The following ADPRHL1 variants were observed in gnomAD, a reference collection of about 807,000 sequenced individuals.
ADPRHL1 encodes ADP-ribosylhydrolase like 1, also known as inactive ADP-ribosyltransferase ARH2.
In ADPRHL1, 43 loss-of-function variants were observed where a neutral mutation model predicts 44.1. That is an observed-to-expected ratio of 0.98 (90% CI 0.76 to 1.26). The LOEUF (loss-of-function observed/expected upper bound fraction) is 1.26. ADPRHL1 is among the 50% of genes most tolerant of loss of function. The pLI is 0.00. For synonymous variants in ADPRHL1, 878 were observed against 1,017.4 expected (o/e 0.86, Z 2.61); for missense variants, 2,022 against 2,496.9 (o/e 0.81, Z 4.05).
At chr13:113,426,299 C>T (rs1015229795) in intron 4 of ADPRHL1, among the ~76,000 whole-genome samples, 3 of 152,246 alleles carry the variant, frequency 2.0e-5, no homozygotes, top group African/African-American at 7.2e-5. Context: ...ACGGTGAGCA[C>T]CCCTGCCCGC....
At chr13:113,419,695 G>A (rs1212318130) in intron 7 of ADPRHL1, among the ~76,000 whole-genome samples, 1 of 152,286 alleles carries the variant, frequency 6.6e-6, no homozygotes, top group South Asian at 2.1e-4. Context: ...TTTGAATTAT[G>A]GCACAGGAGT....
chr13:113,450,980 T>C (rs2139656575), intron 1 of ADPRHL1, among the ~76,000 whole-genome samples: 1 of 147,348 alleles, frequency 6.8e-6, no homozygotes, highest in South Asian at 2.3e-4. Context: ...GTCTGCTAAG[T>C]AGCAGGTGTT....
intron 7 of ADPRHL1, among the ~76,000 whole-genome samples, chr13:113,420,623 G>A (rs1164417606): frequency 1.3e-5 from 2 of 152,042 alleles, no homozygotes; most frequent in Non-Finnish European, 2.9e-5. Context: ...CGTGTGTGAC[G>A]TGAGGCCCTT....
At chr13:113,421,638 G>GC (rs2043924442) in intron 7 of ADPRHL1, among the ~76,000 whole-genome samples, 1 of 152,200 alleles carries the variant, frequency 6.6e-6, no homozygotes, top group Admixed American at 6.5e-5. Context: ...GGAGTCCGTG[G>GC]CCCCCACCTG....
chr13:113,412,662 C>T (rs768803302), intron 7 of ADPRHL1, among the ~76,000 whole-genome samples: 3 of 152,244 alleles, frequency 2.0e-5, no homozygotes, highest in Non-Finnish European at 4.4e-5. Context: ...CCGTGGGTGG[C>T]GAACAGCCCC....
In ADPRHL1 at chr13:113,404,359, C is replaced by G; in HGVS notation, c.4923G>C (p.Gln1641His). 1 of 1,333,878 alleles carries G rather than the reference C, an allele frequency of 7.5e-7. No individual in the cohort carries two copies. The allele number at this position is 1,333,878 out of a possible 1,614,324, so 82.6% of individuals were successfully genotyped here. A position where few individuals can be genotyped will look rare whatever the true frequency, so the allele number is the denominator to read the frequency against. Reference sequence around the variant, plus strand: ...CCTGAGCCCCTTTCTGGGCCTGACCCTGAACCCGTTCCTGAGCCCCTTTCT... The same window carrying G: ...CCTGAGCCCCTTTCTGGGCCTGACCGTGAACCCGTTCCTGAGCCCCTTTCT... ...QTQKGAQERV[Q>H]GQAQKGAQER... The change falls in exon 8 of 8, where the codon CAG (glutamine) becomes CAC (histidine). Residue 1641 changes from glutamine to histidine, a missense_variant. By Grantham distance (24) the Gln-to-His change is conservative. This residue lies in a region of ADPRHL1 where 78 missense variants were observed against 76.5 expected (regional missense o/e 1.02). Transcript: ENST00000612156.
intron 7 of ADPRHL1, among the ~76,000 whole-genome samples, chr13:113,414,093 C>T (rs2043874453): frequency 6.6e-6 from 1 of 152,218 alleles, no homozygotes; most frequent in South Asian, 2.1e-4. Context: ...GAGCCTGGCC[C>T]TGCGGCAGGG....
rs1378647952 is a variant in ADPRHL1 at position 113,405,606 on chromosome 13, G to T, written c.3676C>A (p.Arg1226=). ...AALARHPEAA[R]LYISNTSAAS... ...GCTGATGTGTTTGAAATGTATAATC[G>T]GGCCGCCTCTGGGTGCCGGGCGAGG... The change falls in exon 8 of 8, where the codon CGA becomes AGA. Residue 1226 remains arginine (R), a synonymous_variant. Transcript: ENST00000612156. 6.5e-6 allele frequency: 8 copies of T among 1,232,474 alleles called. No individual in the cohort carries two copies. Among genetic ancestry groups the T allele is most frequent in the Non-Finnish European group, 7.1e-6 (7 of 988,682 alleles). 76.3% of individuals were successfully genotyped at this position (1,232,474 alleles called of 1,614,324 possible).
Position 113,448,421 on chromosome 13 carries a change from G to A in ADPRHL1, c.215-3832C>T, listed in dbSNP as rs370721484. The stretch of plus-strand genomic sequence containing the variant: ...GTGGAGGTTGCAGTGAGCCGAGATC[G>A]CGCCACTGTACTCCAGCCCGGGCAA... On this transcript the variant is annotated intron_variant, in intron 1 of 7. Coordinates refer to ENST00000612156, the MANE Select transcript of ADPRHL1 (RefSeq NM_001394807.1). Among the ~76,000 whole-genome samples, 60 of 129,678 alleles carry A rather than the reference G, an allele frequency of 4.6e-4. No individual in the cohort carries two copies. The Middle Eastern group carries it at 0.026, about 57-fold the overall frequency. 85.1% of individuals were successfully genotyped at this position (129,678 alleles called of 152,430 possible).
At chr13:113,452,973 A>C (rs930391105) in intron 1 of ADPRHL1, among the ~76,000 whole-genome samples, 10 of 152,180 alleles carry the variant, frequency 6.6e-5, no homozygotes, top group Non-Finnish European at 1.5e-5. Flanking sequence ...CACGTTTAAA[A>C]ACTGAATCTT....
intron 7 of ADPRHL1, among the ~76,000 whole-genome samples, chr13:113,415,419 G>A (rs895985123): frequency 2.0e-5 from 3 of 152,188 alleles, no homozygotes; most frequent in South Asian, 4.1e-4. Flanking sequence ...CTCAGTGGCC[G>A]GCTCCAGGCG....
At position 113,419,001 on chromosome 13, in the gene ADPRHL1, T is replaced by TCCC. The variant is rs1566470014; in HGVS notation, c.1061+3824_1061+3825insGGG. On this transcript the variant is annotated intron_variant, in intron 7 of 7. Coordinates refer to ENST00000612156, the MANE Select transcript of ADPRHL1 (RefSeq NM_001394807.1). ...TTCCTTCCCTCCCTCCCTCCCTCCC[T>TCCC]TCCTCCCTCCCTTCCTTCCTTTCTT... 6.6e-3 allele frequency among the ~76,000 whole-genome samples: 501 copies of TCCC among 75,342 alleles called. 55 individuals carry two copies. Among genetic ancestry groups the TCCC allele is most frequent in the African/African-American group, 0.015 (302 of 20,168 alleles). The allele number at this position is 75,342 out of a possible 152,430, so 49.4% of individuals were successfully genotyped here.
In ADPRHL1 at chr13:113,409,846, AC is replaced by A. The variant is rs2043838678; in HGVS notation, c.1062-1627del. 1 of 843,536 alleles carries A rather than the reference AC, an allele frequency of 1.2e-6. No individual in the cohort carries two copies. Among genetic ancestry groups the A allele is most frequent in the Non-Finnish European group, 1.4e-6 (1 of 706,542 alleles). 52.3% of individuals were successfully genotyped at this position (843,536 alleles called of 1,614,324 possible). On this transcript the variant is annotated intron_variant, in intron 7 of 7. Transcript: ENST00000612156. This position sits in a 1 kb window ranked among gnomAD's most constrained non-coding sequence, Gnocchi z 4.2. ...AGAGCTTGCAGTGAGCCGAGATCGC[AC>A]CACTGCACTCCAGCCTGAGCGACAG... is the stretch of plus-strand genomic sequence containing the variant.
At chr13:113,434,713 CG>C in intron 2 of ADPRHL1, among the ~76,000 whole-genome samples, 1 of 120,970 alleles carries the variant, frequency 8.3e-6, no homozygotes. Flanking sequence ...AGGTGTACCC[CG>C]GGACCCGGCA....
chr13:113,445,899 T>C (rs1287963048), intron 1 of ADPRHL1, among the ~76,000 whole-genome samples: 4 of 145,040 alleles, frequency 2.8e-5, no homozygotes, highest in Non-Finnish European at 4.5e-5. Context: ...CACGCGCGTG[T>C]AGGGACCATG....
chr13:113,453,448 A>G lies in ADPRHL1; in HGVS notation c.-11T>C, dbSNP rs1242347192. ...CTTAAATTTCTCCATCCCAGGAGGC[A>G]GCTCCTCTTCCCCAACAGCTGCGGA... On this transcript the variant is annotated 5_prime_UTR_variant, in exon 1 of 8. Transcript: ENST00000612156. This position sits in a 1 kb window ranked among gnomAD's most constrained non-coding sequence, Gnocchi z 5.4. The G allele has an allele frequency of 1.9e-6, 3 of 1,613,758 alleles. No individual in the cohort carries two copies. The highest frequency in any genetic ancestry group is 2.2e-5 in the East Asian group (1 of 44,894).
At chr13:113,433,956 G>C (rs2044026982) in intron 2 of ADPRHL1, 89 bp from the exon 3 acceptor site, 1 of 1,434,914 alleles carries the variant, frequency 7.0e-7, no homozygotes, top group African/African-American at 1.4e-5. Flanking sequence ...TTTAAAAGTA[G>C]AAAAATTTGT....
chr13:113,435,290 T>C (rs1351770607), intron 2 of ADPRHL1, among the ~76,000 whole-genome samples: 4 of 84,572 alleles, frequency 4.7e-5, no homozygotes, highest in African/African-American at 9.9e-5. Flanking sequence ...AGAGTGAACA[T>C]AGGTGTACCC....
chr13:113,447,556 GTCTACATGCACA>G (rs2044151233), intron 1 of ADPRHL1, among the ~76,000 whole-genome samples: 2 of 152,120 alleles, frequency 1.3e-5, no homozygotes, highest in Non-Finnish European at 2.9e-5. Context: ...TGTGCATGGT[GTCTACATGCACA>G]TTGTATGTGT....
Sources: gnomAD v4.1 joint callset for allele counts (sites outside exome capture counted in the v4.1 genomes callset) on GRCh38, gnomAD v4.1.1 for gene constraint, gnomAD v4.1.1 regional missense constraint, Gnocchi (gnomAD v3.1) non-coding constraint, MANE v1.5 for transcripts, NCBI Gene and HGNC (gene_info 2026-07-23, HGNC 2026-07-21) for gene names.